THEMIS: variants seen among roughly 807,000 people sequenced by gnomAD.
THEMIS encodes thymocyte selection associated.
Under a neutral mutation model 52.6 loss-of-function variants are expected in THEMIS, and 37 were observed. The ratio of observed to expected loss-of-function variants is 0.70; its 90% CI spans 0.54 to 0.93. THEMIS has a LOEUF of 0.93. THEMIS is among the 40% of genes least tolerant of loss of function. The pLI, the probability that THEMIS is intolerant of heterozygous loss-of-function variation, is 0.00. For synonymous variants in THEMIS, 292 were observed against 272.7 expected, an observed-to-expected ratio of 1.07 and a Z score of -0.70; for missense variants, 808 against 763.1, an observed-to-expected ratio of 1.06 and a Z score of -0.69.
At chr6:127,854,062 TAAC>T (rs1779519303) in intron 2 of THEMIS, among the ~76,000 whole-genome samples, 2 of 151,764 alleles carry the variant, frequency 1.3e-5, no homozygotes, top group South Asian at 2.1e-4. Flanking sequence ...TTCATTCAGT[TAAC>T]AATTCCTGAG....
intron 2 of THEMIS, among the ~76,000 whole-genome samples, chr6:127,853,084 G>A (rs1412171397): frequency 1.3e-5 from 2 of 151,510 alleles, no homozygotes; most frequent in Non-Finnish European, 3.0e-5. Context: ...TTTATTATGT[G>A]CATCTTTTTC....
intron 5 of THEMIS, 37 bp from the exon 6 acceptor site, chr6:127,710,053 T>A: frequency 7.0e-7 from 1 of 1,437,682 alleles, no homozygotes. Context: ...CAGAAATAAG[T>A]ATTGAAAATA....
intron 2 of THEMIS, among the ~76,000 whole-genome samples, chr6:127,853,718 T>C (rs1583355309): frequency 6.6e-6 from 1 of 151,678 alleles, no homozygotes; most frequent in East Asian, 1.9e-4. Context: ...TGACACTTTT[T>C]TATGCACCTT....
At chr6:127,812,031 C>A (rs757830073) in intron 4 of THEMIS, among the ~76,000 whole-genome samples, 9 of 152,184 alleles carry the variant, frequency 5.9e-5, no homozygotes, top group Non-Finnish European at 1.0e-4. Flanking sequence ...AACACAGCCT[C>A]TCTTTGTTTT....
At chr6:127,885,215 T>G (rs1320177073) in intron 1 of THEMIS, among the ~76,000 whole-genome samples, 1 of 152,156 alleles carries the variant, frequency 6.6e-6, no homozygotes, top group Non-Finnish European at 1.5e-5. Flanking sequence ...GACCTGATTT[T>G]CTACTATTCC....
intron 4 of THEMIS, among the ~76,000 whole-genome samples, chr6:127,739,589 G>T (rs961097234): frequency 6.6e-6 from 1 of 152,104 alleles, no homozygotes; most frequent in African/African-American, 2.4e-5. Flanking sequence ...ACTGTGAGCC[G>T]AGATAGCACC....
chr6:127,733,318 G>A (rs897601640), intron 4 of THEMIS, among the ~76,000 whole-genome samples: 3 of 152,052 alleles, frequency 2.0e-5, no homozygotes, highest in Non-Finnish European at 4.4e-5. Context: ...CTTCCTTAAT[G>A]TTGTTTCTAG....
intron 1 of THEMIS, among the ~76,000 whole-genome samples, chr6:127,862,799 A>G: frequency 6.6e-6 from 1 of 152,060 alleles, no homozygotes. Context: ...TATGTGCAGT[A>G]TATTCTACCA....
intron 4 of THEMIS, among the ~76,000 whole-genome samples, chr6:127,720,929 A>G (rs1437492527): frequency 1.3e-5 from 2 of 151,852 alleles, no homozygotes; most frequent in Non-Finnish European, 2.9e-5. Flanking sequence ...CTCATTCTTC[A>G]CCCATCTCTG....
chr6:127,879,117 G>T (rs900162520), intron 1 of THEMIS, among the ~76,000 whole-genome samples: 1 of 152,124 alleles, frequency 6.6e-6, no homozygotes, highest in Admixed American at 6.5e-5. Flanking sequence ...TCAAAAGAAT[G>T]CTATTTCTAA....
intron 2 of THEMIS, among the ~76,000 whole-genome samples, chr6:127,830,638 A>T (rs1360979043): frequency 6.6e-6 from 1 of 152,020 alleles, no homozygotes; most frequent in Admixed American, 6.6e-5. Flanking sequence ...GTGAGCCACG[A>T]TCACTCCACT....
intron 4 of THEMIS, among the ~76,000 whole-genome samples, chr6:127,799,561 T>A (rs6913507): frequency 0.069 from 9,298 of 134,784 alleles, 288 homozygotes; most frequent in Non-Finnish European, 0.081. Flanking sequence ...CTATCTTTCT[T>A]TCTTTCTTTC....
chr6:127,755,017 T>A (rs567169591), intron 4 of THEMIS, among the ~76,000 whole-genome samples: 1 of 152,080 alleles, frequency 6.6e-6, no homozygotes, highest in South Asian at 2.1e-4. Context: ...TCATTCTTTT[T>A]TTTTTAAACC....
Position 127,795,839 on chromosome 6 carries a change from G to A in THEMIS, c.1758+17044C>T, listed in dbSNP as rs530797399. Among the ~76,000 whole-genome samples, 5 of 152,292 alleles carry A rather than the reference G, an allele frequency of 3.3e-5. No homozygotes were observed. In the East Asian group the frequency reaches 9.6e-4, roughly 29 times the overall value. ...TATCCATATTAGGAAGTACTAGAAA[G>A]TCCTACATTGTAAGTAACTGATACT... On this transcript the variant is annotated intron_variant, in intron 4 of 5. Transcript: ENST00000368248.
At chr6:127,907,138 C>T (rs773351527) in intron 1 of THEMIS, among the ~76,000 whole-genome samples, 1 of 151,696 alleles carries the variant, frequency 6.6e-6, no homozygotes, top group Non-Finnish European at 1.5e-5. Context: ...GTATCTAAAT[C>T]ATTCATTCTC....
intron 1 of THEMIS, among the ~76,000 whole-genome samples, chr6:127,890,328 A>G (rs1780765752): frequency 6.6e-6 from 1 of 152,220 alleles, no homozygotes; most frequent in Admixed American, 6.5e-5. Flanking sequence ...TCTGCTAAAA[A>G]TAGATTGATA....
intron 2 of THEMIS, among the ~76,000 whole-genome samples, chr6:127,848,988 G>C (rs577945123): frequency 6.6e-6 from 1 of 152,194 alleles, no homozygotes; most frequent in South Asian, 2.1e-4. Context: ...TTTTAGACAT[G>C]AAGTCCTTGC....
At chr6:127,781,540 G>T (rs966935099) in intron 4 of THEMIS, among the ~76,000 whole-genome samples, 2 of 152,004 alleles carry the variant, frequency 1.3e-5, no homozygotes, top group Non-Finnish European at 2.9e-5. Context: ...TCTATCTTTT[G>T]TCTTTGATGT....
intron 1 of THEMIS, chr6:127,868,383 T>C: frequency 9.2e-6 from 9 of 973,138 alleles, no homozygotes; most frequent in Non-Finnish European, 1.1e-5. Context: ...AATTGGTATT[T>C]TCTTTGCCAA....
Sources: allele counts gnomAD v4.1 joint callset (sites outside exome capture counted in the v4.1 genomes callset), GRCh38; gene constraint gnomAD v4.1.1; transcripts MANE v1.5; gene names NCBI Gene and HGNC (gene_info 2026-07-23, HGNC 2026-07-21).